The following CAV1 variants were observed in gnomAD, a reference collection of about 807,000 sequenced individuals.
CAV1 encodes caveolin 1.
A neutral mutation model predicts 16.5 loss-of-function variants in CAV1; 10 were observed. The observed-to-expected ratio is 0.61, with a 90% CI of 0.37 to 1.03. The LOEUF (loss-of-function observed/expected upper bound fraction) is 1.03, where lower values mean the gene tolerates loss of function less well. Ranked by LOEUF, CAV1 falls within the 50% of genes least tolerant of loss-of-function variation. CAV1 has a pLI of 0.01. For missense variants in CAV1, 212 were observed against 232.8 expected (o/e 0.91, Z 0.58); for synonymous variants, 76 against 85.1 (o/e 0.89, Z 0.59).
At position 116,559,945 on chromosome 7, in the gene CAV1, C is replaced by T. The variant is rs979516188; in HGVS notation, c.*658C>T. 2.5e-6 allele frequency: 1 copy of T among 398,010 alleles called. No individual in the cohort carries two copies. The allele number at this position is 398,010 out of a possible 1,614,324, so 24.7% of individuals were successfully genotyped here. Reference sequence around the variant, plus strand: ...TTATGTAGATAACAAGACCTCAGTGCCTTCCTGTTTTTCACATTTTCCTTT... The same window carrying T: ...TTATGTAGATAACAAGACCTCAGTGTCTTCCTGTTTTTCACATTTTCCTTT... On this transcript the variant is annotated 3_prime_UTR_variant, in exon 3 of 3. Transcript: ENST00000341049.
At chr7:116,551,712 T>G (rs1318470824) in intron 2 of CAV1, 1 of 152,122 alleles carries the variant, frequency 6.6e-6, no homozygotes, top group Admixed American at 6.6e-5. Flanking sequence ...TTCTGTGTGT[T>G]AGGAATCAAA....
chr7:116,560,314 T>C lies in CAV1; in HGVS notation c.*1027T>C, dbSNP rs140524634. The C allele has an allele frequency of 6.2e-3, 947 of 153,014 alleles. 7 individuals are homozygous for C. The highest frequency in any genetic ancestry group is 0.022 in the African/African-American group (908 of 41,604). 9.5% of individuals were successfully genotyped at this position (153,014 alleles called of 1,614,324 possible). A position where few individuals can be genotyped will look rare whatever the true frequency, so the allele number is the denominator to read the frequency against. ...TAATCACGCTTTCCTGAATCCAAACTAATCCATCACCGGGGTGGTTTAGTG... is the reference window on the plus strand; with the variant it reads ...TAATCACGCTTTCCTGAATCCAAACCAATCCATCACCGGGGTGGTTTAGTG... On this transcript the variant is annotated 3_prime_UTR_variant, in exon 3 of 3. Coordinates refer to ENST00000341049, the MANE Select transcript of CAV1 (RefSeq NM_001753.5).
intron 2 of CAV1, among the ~76,000 whole-genome samples, chr7:116,532,493 T>C (rs978000356): frequency 2.0e-5 from 3 of 152,218 alleles, no homozygotes; most frequent in Non-Finnish European, 4.4e-5. Flanking sequence ...GCTGTCTTTA[T>C]ACAAAGATGG....
Position 116,559,666 on chromosome 7 carries a change from G to A in CAV1, c.*379G>A, listed in dbSNP as rs895696091. 1.1e-5 allele frequency: 6 copies of A among 525,564 alleles called. No individual in the cohort carries two copies. In the South Asian group the frequency reaches 1.6e-4, roughly 14 times the overall value. The allele number at this position is 525,564 out of a possible 1,614,324, so 32.6% of individuals were successfully genotyped here. On this transcript the variant is annotated 3_prime_UTR_variant, in exon 3 of 3. Transcript: ENST00000341049. Reference sequence around the variant, plus strand: ...CAACCTCAACTGCCTACTCCAAAATGTTGGTCATTTTATGTTAAGGGAAGA... The same window carrying A: ...CAACCTCAACTGCCTACTCCAAAATATTGGTCATTTTATGTTAAGGGAAGA...
chr7:116,533,709 T>C (rs1793734156), intron 2 of CAV1, among the ~76,000 whole-genome samples: 1 of 152,244 alleles, frequency 6.6e-6, no homozygotes, highest in South Asian at 2.1e-4. Flanking sequence ...AAACTTTTGA[T>C]GGATTCCTTT....
chr7:116,547,895 G>A (rs1794086437), intron 2 of CAV1, among the ~76,000 whole-genome samples: 1 of 152,284 alleles, frequency 6.6e-6, no homozygotes, highest in East Asian at 1.9e-4. Flanking sequence ...GGCACAAAGA[G>A]GTTTAGTAGT....
At chr7:116,540,732 TAAAGTTTAACAC>T (rs1793918161) in intron 2 of CAV1, among the ~76,000 whole-genome samples, 2 of 152,136 alleles carry the variant, frequency 1.3e-5, no homozygotes, top group African/African-American at 2.4e-5. Flanking sequence ...AAAAATAAGA[TAAAGTTTAACAC>T]AAAGTAAGAT....
At chr7:116,537,172 A>G (rs1793838172) in intron 2 of CAV1, among the ~76,000 whole-genome samples, 1 of 152,218 alleles carries the variant, frequency 6.6e-6, no homozygotes, top group Non-Finnish European at 1.5e-5. Flanking sequence ...TTTACTTTCA[A>G]GAAGATTTAA....
chr7:116,525,329 C>T, intron 1 of CAV1: 1 of 1,547,908 alleles, frequency 6.5e-7, no homozygotes, highest in Non-Finnish European at 8.7e-7. Flanking sequence ...GCTAGGAGGA[C>T]ACGGAAAAGG....
At chr7:116,546,702 A>AAAAAAAATAAAAAAT (rs1554356428) in intron 2 of CAV1, among the ~76,000 whole-genome samples, 1 of 143,054 alleles carries the variant, frequency 7.0e-6, no homozygotes, top group Non-Finnish European at 1.5e-5. Flanking sequence ...TGTCACAAAA[A>AAAAAAAATAAAAAAT]AAAAAAAAAA....
chr7:116,536,104 C>A (rs1026858767), intron 2 of CAV1, among the ~76,000 whole-genome samples: 1 of 152,100 alleles, frequency 6.6e-6, no homozygotes, highest in Non-Finnish European at 1.5e-5. Context: ...AACACAATTA[C>A]ATTTTCTTAT....
chr7:116,554,663 GAGAACATAC>G (rs1794226325), intron 2 of CAV1, among the ~76,000 whole-genome samples: 1 of 152,112 alleles, frequency 6.6e-6, no homozygotes, highest in Admixed American at 6.5e-5. Flanking sequence ...CCAGGATTGT[GAGAACATAC>G]CATTCAGAGC....
At chr7:116,536,321 C>T (rs1292122599) in intron 2 of CAV1, among the ~76,000 whole-genome samples, 1 of 152,166 alleles carries the variant, frequency 6.6e-6, no homozygotes, top group Non-Finnish European at 1.5e-5. Flanking sequence ...GTGTGATGAC[C>T]CAATCAGGCT....
intron 2 of CAV1, among the ~76,000 whole-genome samples, chr7:116,556,520 AT>A (rs1293262122): frequency 6.6e-6 from 1 of 152,172 alleles, no homozygotes; most frequent in African/African-American, 2.4e-5. Context: ...ACTCATTAGC[AT>A]TTCTGAACCT....
chr7:116,553,325 G>T (rs983156410), intron 2 of CAV1, among the ~76,000 whole-genome samples: 20 of 151,794 alleles, frequency 1.3e-4, no homozygotes, highest in African/African-American at 4.8e-4. Context: ...GACGTCTGCT[G>T]CTTGATTTGT....
At chr7:116,537,766 T>C (rs886203450) in intron 2 of CAV1, among the ~76,000 whole-genome samples, 1 of 152,098 alleles carries the variant, frequency 6.6e-6, no homozygotes, top group African/African-American at 2.4e-5. Flanking sequence ...AGACCCTAGA[T>C]CTTGGCAAGT....
intron 2 of CAV1, among the ~76,000 whole-genome samples, chr7:116,537,724 G>A (rs1313407379): frequency 1.3e-5 from 2 of 152,298 alleles, no homozygotes; most frequent in Admixed American, 6.5e-5. Context: ...CATGATCTCT[G>A]TTGGGAGTGA....
In CAV1 at chr7:116,560,867, C is replaced by CATGGATATAG. The variant is rs1794396346; in HGVS notation, c.*1581_*1590dup. The CATGGATATAG allele has an allele frequency of 2.0e-5, 3 of 152,642 alleles. No homozygotes were observed. In the South Asian group the frequency reaches 6.2e-4, roughly 32 times the overall value. The allele number at this position is 152,642 out of a possible 1,614,324, so 9.5% of individuals were successfully genotyped here. A position where few individuals can be genotyped will look rare whatever the true frequency, so the allele number is the denominator to read the frequency against. ...TTTTTGCATTTAAAACAGACACTGGCATGGATATAGTTTTACTTTTAAACT... is the reference window on the plus strand; with the variant it reads ...TTTTTGCATTTAAAACAGACACTGGCATGGATATAGATGGATATAGTTTTACTTTTAAACT... On this transcript the variant is annotated 3_prime_UTR_variant, in exon 3 of 3. Coordinates refer to ENST00000341049, the MANE Select transcript of CAV1 (RefSeq NM_001753.5).
intron 2 of CAV1, among the ~76,000 whole-genome samples, chr7:116,531,782 T>C (rs1422038745): frequency 6.6e-6 from 1 of 152,174 alleles, no homozygotes; most frequent in Non-Finnish European, 1.5e-5. Context: ...GTTTTGCTTG[T>C]GTATTTGTTT....
Sources: allele counts gnomAD v4.1 joint callset (sites outside exome capture counted in the v4.1 genomes callset), GRCh38; gene constraint gnomAD v4.1.1; transcripts MANE v1.5; gene names NCBI Gene and HGNC (gene_info 2026-07-23, HGNC 2026-07-21).